GALNTL6: variants seen among roughly 807,000 people sequenced by gnomAD.
The protein encoded by GALNTL6 is polypeptide N-acetylgalactosaminyltransferase like 6.
In GALNTL6, 46 loss-of-function variants were observed where a neutral mutation model predicts 73.7. The ratio of observed to expected loss-of-function variants is 0.62; its 90% CI spans 0.49 to 0.80. The LOEUF (loss-of-function observed/expected upper bound fraction) is 0.80. Ranked by LOEUF, GALNTL6 falls within the 30% of genes least tolerant of loss-of-function variation. The probability of loss-of-function intolerance (pLI) is 0.00; values close to 1 mark genes in which losing one functional copy is unlikely to be tolerated. For synonymous variants in GALNTL6, 259 were observed against 263.7 expected, an observed-to-expected ratio of 0.98 and a Z score of 0.17; for missense variants, 604 against 755.0, an observed-to-expected ratio of 0.80 and a Z score of 2.34.
At chr4:172,718,804 A>AGT (rs1434056160) in intron 5 of GALNTL6, among the ~76,000 whole-genome samples, 1 of 152,174 alleles carries the variant, frequency 6.6e-6, no homozygotes, top group African/African-American at 2.4e-5. Flanking sequence ...ATTTTTTAAA[A>AGT]TCAACTTTTA....
intron 7 of GALNTL6, among the ~76,000 whole-genome samples, chr4:172,843,798 C>T (rs747074091): frequency 9.9e-5 from 15 of 152,226 alleles, no homozygotes; most frequent in Non-Finnish European, 2.2e-4. Flanking sequence ...GTGGCTCACA[C>T]CTGCAATCCC....
chr4:172,088,324 G>C (rs1410401839), intron 2 of GALNTL6, among the ~76,000 whole-genome samples: 1 of 152,056 alleles, frequency 6.6e-6, no homozygotes, highest in Admixed American at 6.6e-5. Context: ...ATGTGTAGGG[G>C]TGAAGGTTCA....
At chr4:172,171,472 A>G (rs984546003) in intron 2 of GALNTL6, among the ~76,000 whole-genome samples, 4 of 152,200 alleles carry the variant, frequency 2.6e-5, no homozygotes, top group African/African-American at 9.7e-5. Context: ...CTTGAAGAAC[A>G]TAACAGTTCT....
chr4:172,160,895 CACACACACACACACAT>C (rs1188055933), intron 2 of GALNTL6, among the ~76,000 whole-genome samples: 2,081 of 57,772 alleles, frequency 0.036, 43 homozygotes, highest in African/African-American at 0.13. Context: ...TATATAGACA[CACACACACACACACAT>C]ACACACACAC....
chr4:172,410,682 T>TAATA (rs1365084732), intron 5 of GALNTL6, among the ~76,000 whole-genome samples: 12 of 152,020 alleles, frequency 7.9e-5, no homozygotes, highest in Non-Finnish European at 1.5e-4. Context: ...AAAACTAACT[T>TAATA]AATAAATAAA....
Position 172,312,212 on chromosome 4 carries a change from A to G in GALNTL6, c.386+460A>G, listed in dbSNP as rs373816204. ...TGAATGCATCCATAATCCAAAAGTGATAAGTAGTGATTGCTGGTTCAATTT... is the reference window on the plus strand; with the variant it reads ...TGAATGCATCCATAATCCAAAAGTGGTAAGTAGTGATTGCTGGTTCAATTT... On this transcript the variant is annotated intron_variant, in intron 4 of 12. Transcript: ENST00000506823. 1.4e-3 allele frequency among the ~76,000 whole-genome samples: 214 copies of G among 152,308 alleles called. 1 individual carries two copies. Among genetic ancestry groups the G allele is most frequent in the African/African-American group, 4.9e-3 (205 of 41,566 alleles).
chr4:172,027,522 GTCTC>G (rs1236521957), intron 2 of GALNTL6, among the ~76,000 whole-genome samples: 2 of 151,248 alleles, frequency 1.3e-5, no homozygotes, highest in Non-Finnish European at 3.0e-5. Context: ...GCCATTCCCT[GTCTC>G]TCTCTCTCTC....
At chr4:171,815,216 C>T (rs931803262) in intron 2 of GALNTL6, 2 of 160,092 alleles carry the variant, frequency 1.2e-5, no homozygotes, top group African/African-American at 2.4e-5. Context: ...AGCTTTTTAC[C>T]CTGTCGAAAC....
chr4:171,904,357 C>A (rs1442564118), intron 2 of GALNTL6, among the ~76,000 whole-genome samples: 1 of 152,054 alleles, frequency 6.6e-6, no homozygotes, highest in Non-Finnish European at 1.5e-5. Flanking sequence ...GCAGAAGCCT[C>A]AGGAGCCGAT....
chr4:172,970,824 G>A (rs1750546774), intron 10 of GALNTL6, among the ~76,000 whole-genome samples: 1 of 152,204 alleles, frequency 6.6e-6, no homozygotes, highest in African/African-American at 2.4e-5. Flanking sequence ...AAATCTCCAT[G>A]AAGTCGTCAC....
At chr4:172,531,032 C>A (rs770762248) in intron 5 of GALNTL6, among the ~76,000 whole-genome samples, 40 of 150,120 alleles carry the variant, frequency 2.7e-4, no homozygotes, top group Admixed American at 4.7e-4. Context: ...TTGTCTGCAT[C>A]AAGCACTTAA....
At chr4:173,037,800 T>A (rs1463507343) in intron 12 of GALNTL6, among the ~76,000 whole-genome samples, 1 of 151,904 alleles carries the variant, frequency 6.6e-6, no homozygotes. Context: ...TGGAGTGCAG[T>A]GGCCTGATCT....
intron 4 of GALNTL6, among the ~76,000 whole-genome samples, chr4:172,347,345 A>G (rs1419712633): frequency 1.3e-5 from 2 of 152,278 alleles, no homozygotes; most frequent in South Asian, 2.1e-4. Flanking sequence ...TAATTAATAG[A>G]CAAGTAATAT....
At chr4:172,768,671 T>C (rs1709487329) in intron 5 of GALNTL6, among the ~76,000 whole-genome samples, 1 of 152,150 alleles carries the variant, frequency 6.6e-6, no homozygotes, top group South Asian at 2.1e-4. Flanking sequence ...CAAATATGAA[T>C]GTGCCTGGAA....
At chr4:172,242,255 A>G (rs1194066881) in intron 3 of GALNTL6, among the ~76,000 whole-genome samples, 1 of 152,108 alleles carries the variant, frequency 6.6e-6, no homozygotes, top group Non-Finnish European at 1.5e-5. Flanking sequence ...CCTATTTATC[A>G]TAACTTCCTT....
At chr4:172,134,329 G>C (rs961342976) in intron 2 of GALNTL6, among the ~76,000 whole-genome samples, 25 of 151,434 alleles carry the variant, frequency 1.7e-4, no homozygotes, top group Non-Finnish European at 3.2e-4. Context: ...AGTTTGCAGT[G>C]AGCCGAGATC....
At chr4:172,942,185 C>T (rs1748948383) in intron 9 of GALNTL6, among the ~76,000 whole-genome samples, 1 of 152,192 alleles carries the variant, frequency 6.6e-6, no homozygotes, top group Non-Finnish European at 1.5e-5. Flanking sequence ...TAAAATTTTG[C>T]AGATTACTTA....
rs540180692 is a variant in GALNTL6 at position 172,084,971 on chromosome 4, C to T, written c.139-144685C>T. On this transcript the variant is annotated intron_variant, in intron 2 of 12. Coordinates refer to ENST00000506823, the MANE Select transcript of GALNTL6 (RefSeq NM_001034845.3). ...AGTCATTTAAATTTCAACAAGATAT[C>T]AGGGAGAACTGAGTTTCTTAAAGAT... Among the ~76,000 whole-genome samples, 98 of 152,220 alleles carry T rather than the reference C, an allele frequency of 6.4e-4. 3 individuals carry two copies. The South Asian group carries it at 0.02, about 31-fold the overall frequency.
intron 2 of GALNTL6, among the ~76,000 whole-genome samples, chr4:171,816,821 ATGT>A (rs943115478): frequency 1.3e-5 from 2 of 151,968 alleles, no homozygotes; most frequent in African/African-American, 4.8e-5. Context: ...AAATTAGGAT[ATGT>A]TGTCCTCAAT....
Sources: allele counts gnomAD v4.1 joint callset (sites outside exome capture counted in the v4.1 genomes callset), GRCh38; gene constraint gnomAD v4.1.1; transcripts MANE v1.5; gene names NCBI Gene and HGNC (gene_info 2026-07-23, HGNC 2026-07-21).